SCHIP1: variants seen among roughly 807,000 people sequenced by gnomAD.
SCHIP1 encodes schwannomin interacting protein 1.
SCHIP1 carries 8 observed loss-of-function variants against 29.7 expected under a neutral mutation model. The observed-to-expected ratio is 0.27, with a 90% confidence interval of 0.16 to 0.49. SCHIP1 has a LOEUF of 0.49. Ranked by LOEUF, SCHIP1 falls within the 20% of genes least tolerant of loss-of-function variation. SCHIP1 has a pLI of 0.99. For synonymous variants in SCHIP1, 76 were observed against 94.9 expected (o/e 0.80, Z 1.16); for missense variants, 193 against 294.6 (o/e 0.66, Z 2.52).
chr3:159,786,984 C>T, the SCHIP1 span, among the ~76,000 whole-genome samples: 1 of 152,130 alleles, frequency 6.6e-6, no homozygotes, highest in African/African-American at 2.4e-5. Flanking sequence ...GACTGGCCAG[C>T]TTTGGTATTG....
chr3:159,637,411 ACACACACAC>A, the SCHIP1 span, among the ~76,000 whole-genome samples: 1 of 139,462 alleles, frequency 7.2e-6, no homozygotes, highest in African/African-American at 3.0e-5. Context: ...ACACACACAC[ACACACACAC>A]ACCTGACTCT....
At chr3:159,765,964 A>T in the SCHIP1 span, among the ~76,000 whole-genome samples, 3 of 152,204 alleles carry the variant, frequency 2.0e-5, no homozygotes, top group African/African-American at 7.2e-5. Context: ...CTATAATAAG[A>T]AGCACTGGCA....
chr3:159,394,386 T>C, the SCHIP1 span, among the ~76,000 whole-genome samples: 1 of 152,126 alleles, frequency 6.6e-6, no homozygotes, highest in East Asian at 1.9e-4. Flanking sequence ...CATCCCTGTC[T>C]TGTGCCAGTT....
chr3:159,405,951 G>C, the SCHIP1 span, among the ~76,000 whole-genome samples: 1 of 150,764 alleles, frequency 6.6e-6, no homozygotes. Flanking sequence ...AGAATAAAAC[G>C]TGCCTAAAAA....
chr3:159,817,487 T>G, the SCHIP1 span, among the ~76,000 whole-genome samples: 1 of 152,212 alleles, frequency 6.6e-6, no homozygotes, highest in Non-Finnish European at 1.5e-5. Flanking sequence ...TCCTCACTTT[T>G]GTGTGGCCAC....
chr3:159,846,916 A>G (rs749141087), intron 1 of SCHIP1, among the ~76,000 whole-genome samples: 13 of 152,030 alleles, frequency 8.6e-5, no homozygotes, highest in Admixed American at 3.9e-4. Flanking sequence ...TCTAATTTAT[A>G]TGCTTTACCA....
chr3:159,509,997 G>A, the SCHIP1 span, among the ~76,000 whole-genome samples: 2 of 152,116 alleles, frequency 1.3e-5, no homozygotes, highest in Non-Finnish European at 2.9e-5. Context: ...TGTATTTCCT[G>A]AATTTTAATG....
At chr3:159,645,251 C>A in the SCHIP1 span, among the ~76,000 whole-genome samples, 1 of 152,176 alleles carries the variant, frequency 6.6e-6, no homozygotes, top group East Asian at 1.9e-4. Context: ...TTAAGAACAC[C>A]TCCTCCCCCA....
At chr3:159,433,502 T>A in the SCHIP1 span, among the ~76,000 whole-genome samples, 1 of 152,310 alleles carries the variant, frequency 6.6e-6, no homozygotes, top group African/African-American at 2.4e-5. Context: ...AGACATCTAT[T>A]TCCATTATTC....
At chr3:159,618,324 TAAAG>T in the SCHIP1 span, among the ~76,000 whole-genome samples, 2 of 152,174 alleles carry the variant, frequency 1.3e-5, no homozygotes, top group Non-Finnish European at 2.9e-5. Context: ...AGAAAGGCCT[TAAAG>T]AAGCTGGGTA....
At chr3:159,631,028 T>C in the SCHIP1 span, among the ~76,000 whole-genome samples, 17 of 152,126 alleles carry the variant, frequency 1.1e-4, no homozygotes, top group Admixed American at 5.2e-4. Flanking sequence ...TTTGAAAAGA[T>C]ATCTATCCAA....
chr3:159,597,988 G>A, the SCHIP1 span, among the ~76,000 whole-genome samples: 2 of 152,152 alleles, frequency 1.3e-5, no homozygotes, highest in Non-Finnish European at 2.9e-5. Context: ...AGAGAGAATA[G>A]TGAGCATAGG....
chr3:159,707,580 C>T, the SCHIP1 span, among the ~76,000 whole-genome samples: 1 of 152,084 alleles, frequency 6.6e-6, no homozygotes, highest in Non-Finnish European at 1.5e-5. Context: ...ATTCTTGGAT[C>T]CTGAAAATCT....
chr3:159,694,580 GAAA>G, the SCHIP1 span, among the ~76,000 whole-genome samples: 22 of 149,512 alleles, frequency 1.5e-4, no homozygotes, highest in Admixed American at 1.1e-3. Flanking sequence ...AAGAAAGAAA[GAAA>G]GAAAGAAAGA....
At chr3:159,815,937 C>CTATTTATT in the SCHIP1 span, among the ~76,000 whole-genome samples, 32,796 of 147,298 alleles carry the variant, frequency 0.22, 4,371 homozygotes, top group African/African-American at 0.37. Context: ...GCCTCTGGTC[C>CTATTTATT]TATTTATTTA....
chr3:159,541,047 T>A, the SCHIP1 span, among the ~76,000 whole-genome samples: 1 of 152,064 alleles, frequency 6.6e-6, no homozygotes, highest in African/African-American at 2.4e-5. Flanking sequence ...ATTAGTGTAA[T>A]AGGCTACGGA....
chr3:159,632,284 G>A, the SCHIP1 span, among the ~76,000 whole-genome samples: 20 of 152,152 alleles, frequency 1.3e-4, no homozygotes, highest in African/African-American at 3.9e-4. Flanking sequence ...AGGCCAAGAC[G>A]TCTACAGGCG....
chr3:159,366,027 GAGA>G, the SCHIP1 span, among the ~76,000 whole-genome samples: 2 of 152,194 alleles, frequency 1.3e-5, no homozygotes, highest in Admixed American at 6.5e-5. Context: ...TTATAAAGGA[GAGA>G]AGTTTAATTG....
chr3:159,504,139 C>T, the SCHIP1 span, among the ~76,000 whole-genome samples: 1 of 152,096 alleles, frequency 6.6e-6, no homozygotes, highest in Non-Finnish European at 1.5e-5. Flanking sequence ...GACAGAGCAC[C>T]ATCTGGAGGA....
Sources: gnomAD v4.1 joint callset for allele counts (sites outside exome capture counted in the v4.1 genomes callset) on GRCh38, gnomAD v4.1.1 for gene constraint, MANE v1.5 for transcripts, NCBI Gene and HGNC (gene_info 2026-07-23, HGNC 2026-07-21) for gene names.